IL33: variants seen among roughly 807,000 people sequenced by gnomAD.
The protein encoded by IL33 is interleukin-33.
In IL33, 37 loss-of-function variants were observed where a neutral mutation model predicts 27.3. The observed-to-expected ratio is 1.36, with a 90% CI of 1.04 to 1.78. IL33 has a LOEUF of 1.78. IL33 is among the 40% of genes most tolerant of loss of function. The pLI is 0.00. For missense variants in IL33, 406 were observed against 311.4 expected, an observed-to-expected ratio of 1.30 and a Z score of -2.29; for synonymous variants, 132 against 102.9, an observed-to-expected ratio of 1.28 and a Z score of -1.71.
At chr9:6,235,548 T>A (rs751091189) in intron 1 of IL33, among the ~76,000 whole-genome samples, 1 of 152,198 alleles carries the variant, frequency 6.6e-6, no homozygotes, top group Non-Finnish European at 1.5e-5. Flanking sequence ...TGAAAACTTA[T>A]GTATGGCCAA....
chr9:6,252,987 G>C lies in IL33; in HGVS notation c.465G>C (p.Lys155Asn). The C allele has an allele frequency of 6.6e-7, 1 of 1,509,842 alleles. No individual in the cohort carries two copies. The highest frequency in any genetic ancestry group is 9.0e-7 in the Non-Finnish European group (1 of 1,109,092). The allele number at this position is 1,509,842 out of a possible 1,614,324, so 93.5% of individuals were successfully genotyped here. The change falls in exon 5 of 8, where the codon AAG becomes AAC. Residue 155 changes from lysine to asparagine, a missense_variant. Transcript: ENST00000682010. ...IYVEDLKKDE[K>N]KDKVLLSYYE... is the part of the protein sequence containing the mutation. The stretch of plus-strand genomic sequence containing the variant: ...TTGAAGACTTGAAAAAAGATGAAAA[G>C]AAAGGTAGATTATTTTCTTTTTCTA...
intron 1 of IL33, among the ~76,000 whole-genome samples, chr9:6,216,298 T>A (rs1015507771): frequency 6.6e-6 from 1 of 152,134 alleles, no homozygotes; most frequent in Non-Finnish European, 1.5e-5. Flanking sequence ...GCCTGGGTAA[T>A]TTTTTTAGTT....
chr9:6,226,656 T>C (rs1206254489), intron 1 of IL33, among the ~76,000 whole-genome samples: 2 of 152,244 alleles, frequency 1.3e-5, no homozygotes, highest in African/African-American at 2.4e-5. Context: ...ATCTTTTATG[T>C]CTAGATATTC....
chr9:6,228,846 C>A (rs1298951853), intron 1 of IL33, among the ~76,000 whole-genome samples: 279 of 135,574 alleles, frequency 2.1e-3, no homozygotes, highest in African/African-American at 2.3e-3. Context: ...AACACTGACT[C>A]AAAAAAAAAA....
intron 1 of IL33, among the ~76,000 whole-genome samples, chr9:6,221,389 T>C (rs1818405952): frequency 6.6e-6 from 1 of 152,236 alleles, no homozygotes; most frequent in African/African-American, 2.4e-5. Flanking sequence ...GCCTAGGACC[T>C]GACAGGTAAT....
chr9:6,216,319 T>G (rs1309722408), intron 1 of IL33, among the ~76,000 whole-genome samples: 1 of 152,126 alleles, frequency 6.6e-6, no homozygotes, highest in Non-Finnish European at 1.5e-5. Context: ...TATGTAGAGA[T>G]AGGGTCTTTG....
chr9:6,240,814 A>G (rs1265990998), intron 1 of IL33, among the ~76,000 whole-genome samples: 2 of 152,298 alleles, frequency 1.3e-5, no homozygotes, highest in African/African-American at 2.4e-5. Context: ...TTTACTTTAT[A>G]AACTTTTAGT....
At chr9:6,235,448 T>C (rs1039497719) in intron 1 of IL33, among the ~76,000 whole-genome samples, 1 of 152,218 alleles carries the variant, frequency 6.6e-6, no homozygotes, top group African/African-American at 2.4e-5. Context: ...AATTTATTTA[T>C]AATCTTGGAA....
chr9:6,230,126 TGACTGG>T (rs1818855814), intron 1 of IL33, among the ~76,000 whole-genome samples: 1 of 152,096 alleles, frequency 6.6e-6, no homozygotes, highest in African/African-American at 2.4e-5. Flanking sequence ...TGTATAGAAA[TGACTGG>T]ATAAGACCAC....
At chr9:6,254,329 C>A in intron 6 of IL33, 133 bp from the exon 7 acceptor site, 1 of 517,682 alleles carries the variant, frequency 1.9e-6, no homozygotes, top group Non-Finnish European at 3.4e-6. Flanking sequence ...ACAAATACTT[C>A]TAAGATACCT....
At chr9:6,230,530 T>C (rs972481477) in intron 1 of IL33, among the ~76,000 whole-genome samples, 8 of 152,158 alleles carry the variant, frequency 5.3e-5, no homozygotes, top group African/African-American at 1.7e-4. Context: ...GAGTAGAGGA[T>C]TGGTGTGTCA....
chr9:6,250,350 G>C (rs1816275810), intron 2 of IL33, 124 bp from the exon 3 acceptor site: 1 of 1,143,162 alleles, frequency 8.7e-7, no homozygotes, highest in Non-Finnish European at 1.2e-6. Context: ...ACACAGCTGA[G>C]TTAAGGATTT....
intron 1 of IL33, among the ~76,000 whole-genome samples, chr9:6,234,671 C>A (rs1023857408): frequency 1.3e-5 from 2 of 152,144 alleles, no homozygotes; most frequent in African/African-American, 2.4e-5. Context: ...CTCGTTAGTC[C>A]CATTAACATT....
chr9:6,250,395 T>C, intron 2 of IL33, 79 bp from the exon 3 acceptor site: 1 of 1,486,822 alleles, frequency 6.7e-7, no homozygotes, highest in Non-Finnish European at 9.1e-7. Context: ...CTTGCTTTCT[T>C]GGTCTGCTAC....
At chr9:6,241,920 C>A in intron 2 of IL33, 135 bp downstream of exon 2, 1 of 662,076 alleles carries the variant, frequency 1.5e-6, no homozygotes, top group Non-Finnish European at 2.5e-6. Flanking sequence ...AAAGAGATGG[C>A]ACATAAGGGT....
intron 1 of IL33, among the ~76,000 whole-genome samples, chr9:6,230,514 C>A (rs937441465): frequency 6.6e-6 from 1 of 152,104 alleles, no homozygotes; most frequent in Non-Finnish European, 1.5e-5. Flanking sequence ...ACTGCTACAC[C>A]CAAGGGAGTA....
chr9:6,252,035 G>C (rs1269170320), intron 4 of IL33, among the ~76,000 whole-genome samples: 1 of 36,354 alleles, frequency 2.8e-5, no homozygotes, highest in South Asian at 1.3e-3. Context: ...GGCTGTCTCA[G>C]AAAAAAAACA....
chr9:6,234,411 C>T (rs187857778), intron 1 of IL33, among the ~76,000 whole-genome samples: 1 of 152,350 alleles, frequency 6.6e-6, no homozygotes. Flanking sequence ...ATTATGTCCA[C>T]TTCCCTTCAC....
At chr9:6,227,503 G>A (rs1018621448) in intron 1 of IL33, among the ~76,000 whole-genome samples, 7 of 152,086 alleles carry the variant, frequency 4.6e-5, no homozygotes, top group Non-Finnish European at 1.0e-4. Context: ...ACTTTATAAT[G>A]AGTAAATATA....
Sources: allele counts gnomAD v4.1 joint callset (sites outside exome capture counted in the v4.1 genomes callset), GRCh38; gene constraint gnomAD v4.1.1; transcripts MANE v1.5; gene names NCBI Gene and HGNC (gene_info 2026-07-23, HGNC 2026-07-21).